NFIB: variants seen among roughly 807,000 people sequenced by gnomAD.
NFIB encodes the protein nuclear factor I B.
In NFIB, 11 loss-of-function variants were observed where a neutral mutation model predicts 61.5. That is an observed-to-expected ratio of 0.18 (90% CI 0.11 to 0.30). The LOEUF (loss-of-function observed/expected upper bound fraction) is 0.30. NFIB is among the 10% of genes least tolerant of loss of function. The pLI is 1.00. For missense variants in NFIB, 471 were observed against 608.9 expected, an observed-to-expected ratio of 0.77 and a Z score of 2.38; for synonymous variants, 260 against 216.5, an observed-to-expected ratio of 1.20 and a Z score of -1.76.
chr9:14,100,734 A>T (rs1385746639), intron 10 of NFIB, among the ~76,000 whole-genome samples: 6 of 152,254 alleles, frequency 3.9e-5, no homozygotes, highest in Non-Finnish European at 1.5e-5. Context: ...CATTACTAAT[A>T]ACTAGGTAAA....
At chr9:14,323,636 C>A (rs1243199837) in intron 1 of NFIB, among the ~76,000 whole-genome samples, 1 of 152,138 alleles carries the variant, frequency 6.6e-6, no homozygotes, top group East Asian at 1.9e-4. Flanking sequence ...TATGTGATTA[C>A]CAGTGAGACT....
At chr9:14,455,399 TG>T in the NFIB span, among the ~76,000 whole-genome samples, 2 of 152,130 alleles carry the variant, frequency 1.3e-5, no homozygotes, top group Admixed American at 6.5e-5. Context: ...GAGGGAAAAG[TG>T]GTATGTCGCA....
At chr9:14,415,155 A>G in the NFIB span, among the ~76,000 whole-genome samples, 1 of 152,200 alleles carries the variant, frequency 6.6e-6, no homozygotes, top group African/African-American at 2.4e-5. Flanking sequence ...GGTTCTTAAT[A>G]GAATTTACTT....
chr9:14,340,472 T>C (rs1385378831), intron 1 of NFIB, among the ~76,000 whole-genome samples: 1 of 152,224 alleles, frequency 6.6e-6, no homozygotes, highest in African/African-American at 2.4e-5. Flanking sequence ...GCCCAGGCAC[T>C]GGTAACTTTT....
the NFIB span, among the ~76,000 whole-genome samples, chr9:14,427,602 T>C: frequency 1.3e-5 from 2 of 152,134 alleles, no homozygotes; most frequent in Non-Finnish European, 2.9e-5. Context: ...GGAGCTCAGC[T>C]TGGAAGCCCA....
Position 14,220,540 on chromosome 9 carries a change from G to A in NFIB, c.563-40760C>T, listed in dbSNP as rs1010901544. Among the ~76,000 whole-genome samples the A allele has an allele frequency of 3.3e-5, 5 of 152,094 alleles. No individual in the cohort carries two copies. The South Asian group carries it at 8.3e-4, about 25-fold the overall frequency. ...ACCAAGAAACCAGGAGCCCCGCCTGGGAGCCCCAGTTTCTTCTCTGCTATC... is the reference window on the plus strand; with the variant it reads ...ACCAAGAAACCAGGAGCCCCGCCTGAGAGCCCCAGTTTCTTCTCTGCTATC... On this transcript the variant is annotated intron_variant, in intron 2 of 10. Transcript: ENST00000380953.
intron 10 of NFIB, among the ~76,000 whole-genome samples, chr9:14,103,118 G>A (rs534807092): frequency 6.6e-6 from 1 of 152,224 alleles, no homozygotes; most frequent in South Asian, 2.1e-4. Flanking sequence ...CAGAGTAATG[G>A]CATTTAAAAT....
chr9:14,292,332 C>T (rs1342945392), intron 2 of NFIB, among the ~76,000 whole-genome samples: 1 of 152,230 alleles, frequency 6.6e-6, no homozygotes, highest in East Asian at 1.9e-4. Flanking sequence ...AAAAAGTAAG[C>T]TTTTATCTAC....
intron 2 of NFIB, among the ~76,000 whole-genome samples, chr9:14,246,118 G>A (rs977165216): frequency 4.6e-5 from 7 of 151,382 alleles, no homozygotes; most frequent in Non-Finnish European, 8.8e-5. Flanking sequence ...CAGGGACAGC[G>A]TGGGTTAGAC....
intron 6 of NFIB, among the ~76,000 whole-genome samples, chr9:14,145,923 T>C (rs915183898): frequency 6.6e-5 from 10 of 152,136 alleles, no homozygotes; most frequent in Non-Finnish European, 1.5e-5. Context: ...TACATGTTTA[T>C]GCTGCTGACA....
At chr9:14,521,941 T>C in the NFIB span, among the ~76,000 whole-genome samples, 3 of 152,334 alleles carry the variant, frequency 2.0e-5, no homozygotes, top group East Asian at 5.8e-4. Context: ...CCCATATCCA[T>C]GCTATTGTTT....
the NFIB span, among the ~76,000 whole-genome samples, chr9:14,417,051 C>G: frequency 3.8e-3 from 580 of 151,546 alleles, 8 homozygotes; most frequent in African/African-American, 0.014. Flanking sequence ...TGTCACCACA[C>G]CCGGCTAATT....
At chr9:14,127,092 G>A (rs777545664) in intron 6 of NFIB, among the ~76,000 whole-genome samples, 1 of 152,168 alleles carries the variant, frequency 6.6e-6, no homozygotes, top group Non-Finnish European at 1.5e-5. Context: ...GATCATGAGA[G>A]CTTGAAATAA....
intron 2 of NFIB, among the ~76,000 whole-genome samples, chr9:14,256,685 T>A (rs1417884684): frequency 6.6e-6 from 1 of 152,168 alleles, no homozygotes; most frequent in Non-Finnish European, 1.5e-5. Flanking sequence ...CACAGTTACT[T>A]AATCACTGTG....
intron 1 of NFIB, among the ~76,000 whole-genome samples, chr9:14,372,852 T>C (rs1413214497): frequency 6.6e-6 from 1 of 152,108 alleles, no homozygotes; most frequent in Non-Finnish European, 1.5e-5. Flanking sequence ...GTTGAATCAC[T>C]CAGAGAAGAA....
the NFIB span, among the ~76,000 whole-genome samples, chr9:14,524,327 G>A: frequency 1.5e-4 from 23 of 152,010 alleles, 1 homozygote; most frequent in East Asian, 1.9e-3. Context: ...AATGTGCTAG[G>A]GTGTTTTCTC....
chr9:14,408,594 G>A, the NFIB span, among the ~76,000 whole-genome samples: 1 of 152,172 alleles, frequency 6.6e-6, no homozygotes, highest in Non-Finnish European at 1.5e-5. Context: ...TATATCACTT[G>A]ATCCCAATTT....
chr9:14,457,201 G>A, the NFIB span, among the ~76,000 whole-genome samples: 4 of 152,302 alleles, frequency 2.6e-5, no homozygotes, highest in East Asian at 5.8e-4. Context: ...AACATTGGCT[G>A]TGGGAAGATG....
At chr9:14,157,982 G>A (rs2043640712) in intron 3 of NFIB, among the ~76,000 whole-genome samples, 1 of 151,470 alleles carries the variant, frequency 6.6e-6, no homozygotes, top group Non-Finnish European at 1.5e-5. Context: ...ATGGTGGCGG[G>A]CACCTGTAGT....
Sources: allele counts gnomAD v4.1 joint callset (sites outside exome capture counted in the v4.1 genomes callset), GRCh38; gene constraint gnomAD v4.1.1; transcripts MANE v1.5; gene names NCBI Gene and HGNC (gene_info 2026-07-23, HGNC 2026-07-21).